Variants in NR5A2 observed in about 807,000 individuals in gnomAD.
NR5A2 encodes the protein CYP7A promoter-binding factor.
Under a neutral mutation model 62.7 loss-of-function variants are expected in NR5A2, and 26 were observed. That is an observed-to-expected ratio of 0.41 (90% CI 0.30 to 0.58). The LOEUF (loss-of-function observed/expected upper bound fraction) is 0.58. Among genes scored for constraint, NR5A2 ranks in the 20% least tolerant of loss-of-function variants. The probability of loss-of-function intolerance (pLI) is 0.22; values close to 1 mark genes in which losing one functional copy is unlikely to be tolerated. For synonymous variants in NR5A2, 246 were observed against 241.7 expected (o/e 1.02, Z -0.16); for missense variants, 541 against 669.1 (o/e 0.81, Z 2.11).
chr1:200,097,239 T>G (rs1330075661), intron 5 of NR5A2, among the ~76,000 whole-genome samples: 1 of 152,144 alleles, frequency 6.6e-6, no homozygotes, highest in Non-Finnish European at 1.5e-5. Context: ...AATAAACCTT[T>G]GTCAGAATAT....
chr1:200,056,038 A>T (rs76039810), intron 5 of NR5A2, among the ~76,000 whole-genome samples: 1 of 152,102 alleles, frequency 6.6e-6, no homozygotes, highest in Non-Finnish European at 1.5e-5. Flanking sequence ...ATCTGCTTTT[A>T]TATCTTTTTC....
At chr1:200,085,503 T>G (rs1040464448) in intron 5 of NR5A2, among the ~76,000 whole-genome samples, 1 of 152,114 alleles carries the variant, frequency 6.6e-6, no homozygotes, top group African/African-American at 2.4e-5. Flanking sequence ...AAGCTCAGCA[T>G]GTAACTTCAC....
At chr1:200,118,174 G>T (rs568847803) in intron 6 of NR5A2, among the ~76,000 whole-genome samples, 3 of 149,578 alleles carry the variant, frequency 2.0e-5, no homozygotes, top group Non-Finnish European at 4.4e-5. Context: ...GTACCACCAC[G>T]CCCAGCTAAT....
intron 6 of NR5A2, among the ~76,000 whole-genome samples, chr1:200,115,258 A>T (rs1666164098): frequency 6.6e-6 from 1 of 152,192 alleles, no homozygotes; most frequent in African/African-American, 2.4e-5. Context: ...ATTCTCTTCC[A>T]ATCTTTGGGG....
At chr1:200,143,223 A>C (rs961724253) in intron 7 of NR5A2, among the ~76,000 whole-genome samples, 2 of 152,054 alleles carry the variant, frequency 1.3e-5, no homozygotes, top group African/African-American at 2.4e-5. Flanking sequence ...ACTCTATGAG[A>C]TCCTGAGTCC....
intron 5 of NR5A2, among the ~76,000 whole-genome samples, chr1:200,089,556 C>T (rs1204262790): frequency 2.6e-5 from 4 of 152,196 alleles, no homozygotes; most frequent in East Asian, 3.8e-4. Flanking sequence ...CTGCAGCCTG[C>T]GCCCCCAGGT....
chr1:200,173,271 C>T (rs1435754534), intron 7 of NR5A2, among the ~76,000 whole-genome samples: 1 of 152,180 alleles, frequency 6.6e-6, no homozygotes. Flanking sequence ...ACTTTAGAAA[C>T]TACATGCAGG....
At chr1:200,165,252 T>G (rs977205899) in intron 7 of NR5A2, among the ~76,000 whole-genome samples, 1 of 151,122 alleles carries the variant, frequency 6.6e-6, no homozygotes, top group Non-Finnish European at 1.5e-5. Flanking sequence ...GCCCCGCTAC[T>G]GTCAGCATTC....
In NR5A2 at chr1:200,117,428, GTA is replaced by G. The variant is rs142860666; in HGVS notation, c.1231-3377_1231-3376del. On this transcript the variant is annotated intron_variant, in intron 6 of 7. Coordinates refer to ENST00000367362, the MANE Select transcript of NR5A2 (RefSeq NM_205860.3). ...CTTTCAAATTAGCATGTAAATAAAT[GTA>G]TAGTTATAAATTTGTTGGTAAACCA... is the stretch of plus-strand genomic sequence containing the variant. Among the ~76,000 whole-genome samples the G allele has an allele frequency of 3.2e-3, 493 of 152,276 alleles. 1 individual carries two copies. The highest frequency in any genetic ancestry group is 0.012 in the African/African-American group (484 of 41,554).
At chr1:200,140,125 GAC>G (rs1161638407) in intron 7 of NR5A2, among the ~76,000 whole-genome samples, 14 of 152,098 alleles carry the variant, frequency 9.2e-5, no homozygotes, top group Admixed American at 8.5e-4. Flanking sequence ...TGGCATATAT[GAC>G]ACAGTCTCAA....
intron 7 of NR5A2, among the ~76,000 whole-genome samples, chr1:200,130,724 G>A (rs1226648551): frequency 2.0e-5 from 3 of 152,104 alleles, no homozygotes; most frequent in African/African-American, 7.2e-5. Flanking sequence ...CCTTCCTGAA[G>A]CTGGTCACAA....
chr1:200,133,576 C>CATATATATACACATAT (rs1209106262), intron 7 of NR5A2, among the ~76,000 whole-genome samples: 1 of 134,500 alleles, frequency 7.4e-6, no homozygotes, highest in Non-Finnish European at 1.6e-5. Flanking sequence ...TATATATACA[C>CATATATATACACATAT]ATATATATAC....
chr1:200,150,633 T>A (rs760424868), intron 7 of NR5A2, among the ~76,000 whole-genome samples: 13 of 152,228 alleles, frequency 8.5e-5, no homozygotes, highest in East Asian at 1.9e-4. Context: ...TCAAAAAAAA[T>A]ATTCAGTGAA....
chr1:200,087,974 CT>C (rs947020926), intron 5 of NR5A2, among the ~76,000 whole-genome samples: 37 of 152,272 alleles, frequency 2.4e-4, no homozygotes, highest in African/African-American at 8.9e-4. Context: ...CAGTCTTGAA[CT>C]CCTGATCGTA....
chr1:200,033,376 A>C (rs756733830), intron 1 of NR5A2, among the ~76,000 whole-genome samples: 1 of 152,084 alleles, frequency 6.6e-6, no homozygotes, highest in Non-Finnish European at 1.5e-5. Context: ...AGAGGAGGGG[A>C]TAGGGAAAGA....
At chr1:200,060,675 C>T (rs553884312) in intron 5 of NR5A2, among the ~76,000 whole-genome samples, 2 of 152,214 alleles carry the variant, frequency 1.3e-5, no homozygotes, top group African/African-American at 2.4e-5. Flanking sequence ...GAGATGGTCA[C>T]TAGTGTCTTC....
chr1:200,059,614 C>T (rs577240240), intron 5 of NR5A2, among the ~76,000 whole-genome samples: 28 of 152,150 alleles, frequency 1.8e-4, no homozygotes, highest in Non-Finnish European at 5.9e-5. Context: ...TACAAAGTCA[C>T]AGAATAAGTT....
At chr1:200,167,331 G>A (rs1653947597) in intron 7 of NR5A2, among the ~76,000 whole-genome samples, 1 of 152,080 alleles carries the variant, frequency 6.6e-6, no homozygotes, top group African/African-American at 2.4e-5. Context: ...ACACCTGGAA[G>A]CCATCCAGGA....
At chr1:200,099,516 G>A (rs1310326911) in intron 5 of NR5A2, among the ~76,000 whole-genome samples, 1 of 152,056 alleles carries the variant, frequency 6.6e-6, no homozygotes, top group Non-Finnish European at 1.5e-5. Flanking sequence ...AAGCTGGAGG[G>A]CAACCAAAAT....
Sources: gnomAD v4.1 joint callset for allele counts (sites outside exome capture counted in the v4.1 genomes callset) on GRCh38, gnomAD v4.1.1 for gene constraint, MANE v1.5 for transcripts, NCBI Gene and HGNC (gene_info 2026-07-23, HGNC 2026-07-21) for gene names.